Variants in SULF1 observed in about 807,000 individuals in gnomAD.
SULF1 encodes the protein extracellular sulfatase Sulf-1.
A neutral mutation model predicts 110.5 loss-of-function variants in SULF1; 46 were observed. The observed-to-expected ratio is 0.42, with a 90% CI of 0.33 to 0.53. SULF1 has a LOEUF of 0.53. Among genes scored for constraint, SULF1 ranks in the 20% least tolerant of loss-of-function variants. SULF1 has a pLI of 0.12. For missense variants in SULF1, 941 were observed against 1,094.2 expected, an observed-to-expected ratio of 0.86 and a Z score of 1.98; for synonymous variants, 371 against 387.1, an observed-to-expected ratio of 0.96 and a Z score of 0.49.
At chr8:69,584,733 A>T (rs1324425045) in intron 6 of SULF1, among the ~76,000 whole-genome samples, 2 of 152,248 alleles carry the variant, frequency 1.3e-5, no homozygotes, top group African/African-American at 4.8e-5. Flanking sequence ...AATAACTCAT[A>T]GGATTGATTG....
chr8:69,492,479 A>C (rs961287190), upstream of SULF1, among the ~76,000 whole-genome samples: 1 of 152,152 alleles, frequency 6.6e-6, no homozygotes, highest in Non-Finnish European at 1.5e-5. Context: ...TGGTCTCTGG[A>C]ACGCCTGGCT....
chr8:69,643,283 A>G (rs1263876097), intron 22 of SULF1, among the ~76,000 whole-genome samples: 1 of 152,244 alleles, frequency 6.6e-6, no homozygotes, highest in Non-Finnish European at 1.5e-5. Flanking sequence ...ATGCAAAACA[A>G]GTATGTACAG....
intron 3 of SULF1, among the ~76,000 whole-genome samples, chr8:69,517,464 A>T (rs558849507): frequency 6.6e-6 from 1 of 152,308 alleles, no homozygotes; most frequent in South Asian, 2.1e-4. Flanking sequence ...CCTGCTTGAA[A>T]TTCTAATAAG....
chr8:69,545,974 C>T (rs940090383), intron 3 of SULF1, among the ~76,000 whole-genome samples: 1 of 152,186 alleles, frequency 6.6e-6, no homozygotes, highest in African/African-American at 2.4e-5. Context: ...AGATTACAGG[C>T]GTGAGCCACC....
In SULF1 at chr8:69,630,323, C is replaced by T. The variant is rs137914368; in HGVS notation, c.2284+644C>T. 1.4e-4 allele frequency among the ~76,000 whole-genome samples: 21 copies of T among 152,280 alleles called. 2 individuals are homozygous for T. In the East Asian group the frequency reaches 3.7e-3, roughly 27 times the overall value. ...CCATATAGAAGTAATACCCCACATTCTTATAGTACATCCTCTGATTGAAGC... is the reference window on the plus strand; with the variant it reads ...CCATATAGAAGTAATACCCCACATTTTTATAGTACATCCTCTGATTGAAGC... On this transcript the variant is annotated intron_variant, in intron 19 of 22. Coordinates refer to ENST00000402687, the MANE Select transcript of SULF1 (RefSeq NM_001128205.2).
chr8:69,642,129 A>G, intron 22 of SULF1: 1 of 674,964 alleles, frequency 1.5e-6, no homozygotes, highest in Non-Finnish European at 1.8e-6. Flanking sequence ...GGTGCCATCT[A>G]TATTAATATC....
At chr8:69,524,796 C>A (rs1233882264) in intron 3 of SULF1, among the ~76,000 whole-genome samples, 1 of 152,126 alleles carries the variant, frequency 6.6e-6, no homozygotes, top group East Asian at 1.9e-4. Flanking sequence ...CAATAACATG[C>A]TGCTTCTTTT....
intron 1 of SULF1, among the ~76,000 whole-genome samples, chr8:69,470,037 C>T (rs1188911062): frequency 2.7e-5 from 4 of 150,616 alleles, no homozygotes; most frequent in Admixed American, 6.6e-5. Flanking sequence ...AGTGAAACTC[C>T]GTCTAAAAAA....
At chr8:69,489,200 AC>A (rs1809816592), upstream of SULF1, among the ~76,000 whole-genome samples, 1 of 152,190 alleles carries the variant, frequency 6.6e-6, no homozygotes, top group South Asian at 2.1e-4. Flanking sequence ...TGTTCCCTTG[AC>A]CATGCCTGAT....
At chr8:69,499,068 AG>A (rs1224592355) in intron 2 of SULF1, among the ~76,000 whole-genome samples, 1 of 152,168 alleles carries the variant, frequency 6.6e-6, no homozygotes, top group Non-Finnish European at 1.5e-5. Flanking sequence ...AATGTTGCCC[AG>A]GCTGGTCTTG....
At chr8:69,627,385 A>G in intron 16 of SULF1, 79 bp downstream of exon 16, 1 of 942,590 alleles carries the variant, frequency 1.1e-6, no homozygotes, top group Non-Finnish European at 1.7e-6. Flanking sequence ...CTGGTGGGAC[A>G]TACCACAGAT....
At chr8:69,499,234 T>C (rs773830307) in intron 2 of SULF1, among the ~76,000 whole-genome samples, 1 of 152,196 alleles carries the variant, frequency 6.6e-6, no homozygotes, top group Non-Finnish European at 1.5e-5. Flanking sequence ...TGTTTTATGT[T>C]TGTATAGCTA....
At chr8:69,600,838 T>C (rs1586517168) in intron 9 of SULF1, 85 bp downstream of exon 9, 3 of 1,405,896 alleles carry the variant, frequency 2.1e-6, no homozygotes, top group Admixed American at 2.1e-5. Flanking sequence ...GTTTGGTTTT[T>C]TCCCCTTCAT....
chr8:69,568,088 T>C (rs1296413961), intron 5 of SULF1, among the ~76,000 whole-genome samples: 11 of 152,356 alleles, frequency 7.2e-5, no homozygotes. Flanking sequence ...GGTTTTGTTT[T>C]GTTTTTTACT....
intron 3 of SULF1, among the ~76,000 whole-genome samples, chr8:69,530,901 T>C (rs1053279907): frequency 6.6e-6 from 1 of 152,182 alleles, no homozygotes; most frequent in South Asian, 2.1e-4. Context: ...AGGGGTAGAA[T>C]GGAATGAGGT....
chr8:69,470,624 A>G (rs993113055), intron 1 of SULF1, among the ~76,000 whole-genome samples: 3 of 152,036 alleles, frequency 2.0e-5, no homozygotes, highest in Non-Finnish European at 4.4e-5. Context: ...AGCCTCCTAA[A>G]TGGTCCACTT....
At chr8:69,549,044 C>T (rs1462210953) in intron 3 of SULF1, among the ~76,000 whole-genome samples, 1 of 152,130 alleles carries the variant, frequency 6.6e-6, no homozygotes, top group African/African-American at 2.4e-5. Context: ...CTTGCTTTAG[C>T]CAATGGCAGG....
chr8:69,535,853 A>G lies in SULF1; in HGVS notation c.-133-27686A>G, dbSNP rs578189121. 3.3e-5 allele frequency among the ~76,000 whole-genome samples: 5 copies of G among 152,174 alleles called. No individual in the cohort carries two copies. The East Asian group carries it at 9.7e-4, about 29-fold the overall frequency. ...GAGACCAGCCTGTCCAACATAGTGA[A>G]ATCCCATCTCTACTGAAAATACAAA... is the stretch of plus-strand genomic sequence containing the variant. On this transcript the variant is annotated intron_variant, in intron 3 of 22. Transcript: ENST00000402687.
intron 13 of SULF1, among the ~76,000 whole-genome samples, chr8:69,614,141 G>A (rs1188982214): frequency 6.6e-6 from 1 of 152,152 alleles, no homozygotes; most frequent in African/African-American, 2.4e-5. Flanking sequence ...TGCCTGCCAT[G>A]TGCTGAGTTC....
Sources: allele counts gnomAD v4.1 joint callset (sites outside exome capture counted in the v4.1 genomes callset), GRCh38; gene constraint gnomAD v4.1.1; transcripts MANE v1.5; gene names NCBI Gene and HGNC (gene_info 2026-07-23, HGNC 2026-07-21).